The following KSR2 variants were observed in gnomAD, a reference collection of about 807,000 sequenced individuals.
The protein encoded by KSR2 is kinase suppressor of ras 2.
Under a neutral mutation model 107.8 loss-of-function variants are expected in KSR2, and 25 were observed. That is an observed-to-expected ratio of 0.23 (90% CI 0.17 to 0.32). KSR2 has a LOEUF of 0.32. Ranked by LOEUF, KSR2 falls within the 10% of genes least tolerant of loss-of-function variation. KSR2 has a pLI of 1.00. For synonymous variants in KSR2, 480 were observed against 507.0 expected (o/e 0.95, Z 0.71); for missense variants, 887 against 1,268.9 (o/e 0.70, Z 4.57).
intron 5 of KSR2, among the ~76,000 whole-genome samples, chr12:117,607,654 A>AGGAGAGGAGAGGAG (rs1881350370): frequency 3.4e-5 from 4 of 118,074 alleles, no homozygotes; most frequent in African/African-American, 1.5e-4. Flanking sequence ...GAGGGGAGGA[A>AGGAGAGGAGAGGAG]AGGAGAGGAG....
Position 117,526,404 on chromosome 12 carries a change from G to A in KSR2, c.1851+667C>T, listed in dbSNP as rs2137240013. On this transcript the variant is annotated intron_variant, in intron 13 of 19. Coordinates refer to ENST00000339824, the MANE Select transcript of KSR2 (RefSeq NM_173598.6). ...ACCTGATGAAACAGCCTGAGAAGGT[G>A]GCTTCTTGACTGGGTACAGCTCTTC... 2.0e-5 allele frequency among the ~76,000 whole-genome samples: 3 copies of A among 152,266 alleles called. No homozygotes were observed. In the Middle Eastern group the frequency reaches 0.01, roughly 518 times the overall value.
chr12:117,835,718 T>C (rs61939865), intron 3 of KSR2, among the ~76,000 whole-genome samples: 13,421 of 151,684 alleles, frequency 0.088, 653 homozygotes, highest in African/African-American at 0.11. Flanking sequence ...ATCCAGTGGG[T>C]AGAGGCCAGG....
intron 3 of KSR2, among the ~76,000 whole-genome samples, chr12:117,826,035 A>G (rs1891737411): frequency 6.6e-6 from 1 of 151,574 alleles, no homozygotes; most frequent in South Asian, 2.1e-4. Flanking sequence ...GGATGGATGG[A>G]TGGATGGATG....
intron 5 of KSR2, among the ~76,000 whole-genome samples, chr12:117,654,350 T>G (rs1884037595): frequency 6.6e-6 from 1 of 152,210 alleles, no homozygotes; most frequent in Admixed American, 6.5e-5. Context: ...CCATCCTGCC[T>G]TCTCTTCCCC....
intron 5 of KSR2, among the ~76,000 whole-genome samples, chr12:117,628,199 T>C (rs978079913): frequency 6.6e-6 from 1 of 152,312 alleles, no homozygotes. Flanking sequence ...CTACTTCTGT[T>C]AACTCGTCAA....
chr12:117,608,842 T>C (rs1349120528), intron 5 of KSR2, among the ~76,000 whole-genome samples: 1 of 152,114 alleles, frequency 6.6e-6, no homozygotes, highest in East Asian at 1.9e-4. Context: ...GGAAATTGCA[T>C]GGAGCTCTGG....
intron 4 of KSR2, among the ~76,000 whole-genome samples, chr12:117,682,779 C>A (rs1411135493): frequency 6.6e-6 from 1 of 151,932 alleles, no homozygotes; most frequent in East Asian, 1.9e-4. Flanking sequence ...AGAAAGTTGA[C>A]CAACAAGAAT....
chr12:117,896,070 G>A (rs191465035), intron 1 of KSR2, among the ~76,000 whole-genome samples: 7 of 152,268 alleles, frequency 4.6e-5, no homozygotes, highest in Admixed American at 1.3e-4. Flanking sequence ...AAACTTGTAC[G>A]TGAATGTTCA....
intron 9 of KSR2, among the ~76,000 whole-genome samples, chr12:117,554,705 C>T (rs530641699): frequency 7.4e-4 from 113 of 152,302 alleles, no homozygotes; most frequent in African/African-American, 2.5e-3. Context: ...ATGTGCCTTT[C>T]GCCTTCTGCC....
chr12:117,685,666 A>G (rs1047132139), intron 4 of KSR2, among the ~76,000 whole-genome samples: 17 of 152,328 alleles, frequency 1.1e-4, no homozygotes, highest in Admixed American at 9.1e-4. Context: ...AGGCTGTAGA[A>G]GACAGCAGAG....
chr12:117,519,438 G>T (rs1367619762), intron 14 of KSR2, among the ~76,000 whole-genome samples: 1 of 152,200 alleles, frequency 6.6e-6, no homozygotes, highest in Non-Finnish European at 1.5e-5. Context: ...ATTCAGCGGG[G>T]GAGGGTGGGA....
rs1555233104 is a variant in KSR2 at position 117,734,299 on chromosome 12, A to AAG, written c.986+26710_986+26711dup. ...CTGTCTCAAAAAAAAAAAAAAAAAA[A>AAG]AGAGAGAAACTACACGACTACACAG... On this transcript the variant is annotated intron_variant, in intron 4 of 19. Transcript: ENST00000339824. 3.4e-3 allele frequency among the ~76,000 whole-genome samples: 485 copies of AAG among 142,886 alleles called. 31 individuals are homozygous for AAG. The highest frequency in any genetic ancestry group is 4.7e-3 in the Non-Finnish European group (308 of 66,142). 93.7% of individuals were successfully genotyped at this position (142,886 alleles called of 152,430 possible).
At chr12:117,491,623 C>T (rs1266169063) in intron 14 of KSR2, among the ~76,000 whole-genome samples, 1 of 152,164 alleles carries the variant, frequency 6.6e-6, no homozygotes, top group African/African-American at 2.4e-5. Context: ...TTTTCTTGAT[C>T]CATTCATCTG....
rs866677670 is a variant in KSR2, at chr12:117,454,040, C to A, written c.*13159G>T. 6.6e-6 allele frequency: 1 copy of A among 152,178 alleles called. No individual in the cohort carries two copies. The highest frequency in any genetic ancestry group is 1.5e-5 in the Non-Finnish European group (1 of 68,038). The allele number at this position is 152,178 out of a possible 1,614,324, so 9.4% of individuals were successfully genotyped here. A position where few individuals can be genotyped will look rare whatever the true frequency, so the allele number is the denominator to read the frequency against. ...CAAATATCTAAATAAATGGGTAACA[C>A]CCACCACCTCGCTATTCTAGTCCCT... On this transcript the variant is annotated 3_prime_UTR_variant, in exon 20 of 20. Coordinates refer to ENST00000339824, the MANE Select transcript of KSR2 (RefSeq NM_173598.6).
chr12:117,744,122 C>T (rs1465702194), intron 4 of KSR2, among the ~76,000 whole-genome samples: 1 of 152,136 alleles, frequency 6.6e-6, no homozygotes, highest in Non-Finnish European at 1.5e-5. Flanking sequence ...CATGGCATAG[C>T]GGAAAGACCT....
intron 12 of KSR2, among the ~76,000 whole-genome samples, chr12:117,528,015 T>C (rs1322759406): frequency 6.7e-6 from 1 of 148,224 alleles, no homozygotes; most frequent in Non-Finnish European, 1.5e-5. Flanking sequence ...CATAAGCTCA[T>C]GAGCTGCAGT....
chr12:117,718,098 A>G (rs1438661868), intron 4 of KSR2, among the ~76,000 whole-genome samples: 1 of 152,228 alleles, frequency 6.6e-6, no homozygotes, highest in African/African-American at 2.4e-5. Context: ...GTTTAAGTTG[A>G]GATTTAAACA....
At chr12:117,729,627 A>G (rs1887578288) in intron 4 of KSR2, among the ~76,000 whole-genome samples, 1 of 152,164 alleles carries the variant, frequency 6.6e-6, no homozygotes, top group Non-Finnish European at 1.5e-5. Context: ...CTAGACTGAC[A>G]GTCGGCTTCC....
chr12:117,555,844 G>A (rs529025260), intron 8 of KSR2, among the ~76,000 whole-genome samples: 6 of 152,142 alleles, frequency 3.9e-5, no homozygotes, highest in East Asian at 1.9e-4. Flanking sequence ...AAATCATATC[G>A]CCCAAGCCCC....
Sources: gnomAD v4.1 joint callset for allele counts (sites outside exome capture counted in the v4.1 genomes callset) on GRCh38, gnomAD v4.1.1 for gene constraint, MANE v1.5 for transcripts, NCBI Gene and HGNC (gene_info 2026-07-23, HGNC 2026-07-21) for gene names.